SOX5: variants seen among roughly 807,000 people sequenced by gnomAD.
The protein encoded by SOX5 is transcription factor SOX-5.
A neutral mutation model predicts 92.0 loss-of-function variants in SOX5; 9 were observed. The ratio of observed to expected loss-of-function variants is 0.10; its 90% CI spans 0.06 to 0.17. The LOEUF (loss-of-function observed/expected upper bound fraction) is 0.17, where lower values mean the gene tolerates loss of function less well. Among genes scored for constraint, SOX5 ranks in the 10% least tolerant of loss-of-function variants. SOX5 has a pLI of 1.00. For missense variants in SOX5, 642 were observed against 944.5 expected, an observed-to-expected ratio of 0.68 and a Z score of 4.20; for synonymous variants, 344 against 336.3, an observed-to-expected ratio of 1.02 and a Z score of -0.25.
chr12:23,547,943 C>G (rs1264172351), intron 11 of SOX5, among the ~76,000 whole-genome samples: 1 of 152,014 alleles, frequency 6.6e-6, no homozygotes, highest in Non-Finnish European at 1.5e-5. Flanking sequence ...TCAGGAGCAT[C>G]AAGGACACCA....
rs142834425 is a variant in SOX5 at position 24,434,988 on chromosome 12, C to T, written c.-250-66349G>A. 1.4e-4 allele frequency among the ~76,000 whole-genome samples: 21 copies of T among 152,324 alleles called. 1 individual carries two copies. Among genetic ancestry groups the T allele is most frequent in the African/African-American group, 3.8e-4 (16 of 41,570 alleles). Reference sequence around the variant, plus strand: ...GCATCCTTTCTCTCCCACTGTCTCACGTAAAAGAATGCCCTTTCCTTTTGG... The same window carrying T: ...GCATCCTTTCTCTCCCACTGTCTCATGTAAAAGAATGCCCTTTCCTTTTGG... On this transcript the variant is annotated intron_variant, in intron 1 of 4. Transcript: ENST00000446891.
At chr12:24,377,386 A>G (rs534483423) in intron 1 of SOX5, among the ~76,000 whole-genome samples, 1 of 152,338 alleles carries the variant, frequency 6.6e-6, no homozygotes, top group African/African-American at 2.4e-5. Flanking sequence ...CATAATGAAA[A>G]GTGCATGACA....
chr12:24,267,564 G>A (rs527559771), intron 3 of SOX5, among the ~76,000 whole-genome samples: 6 of 152,208 alleles, frequency 3.9e-5, no homozygotes, highest in Admixed American at 6.5e-5. Flanking sequence ...CCACTGACAT[G>A]ATAAATAATC....
At chr12:24,014,122 C>T (rs1053189212) in intron 4 of SOX5, among the ~76,000 whole-genome samples, 5 of 152,106 alleles carry the variant, frequency 3.3e-5, no homozygotes, top group South Asian at 2.1e-4. Context: ...CAATGGATTT[C>T]GGAAACAGAA....
chr12:23,663,323 TG>T (rs2083322841), intron 7 of SOX5, among the ~76,000 whole-genome samples: 1 of 152,288 alleles, frequency 6.6e-6, no homozygotes, highest in East Asian at 1.9e-4. Context: ...GAATATTAAA[TG>T]GTTAATATAC....
At chr12:23,711,414 G>A (rs1009631304) in intron 6 of SOX5, among the ~76,000 whole-genome samples, 6 of 152,146 alleles carry the variant, frequency 3.9e-5, no homozygotes, top group Non-Finnish European at 8.8e-5. Context: ...CAGTGTATGT[G>A]TCTATATGCA....
chr12:24,060,552 T>G (rs1262951413), intron 4 of SOX5, among the ~76,000 whole-genome samples: 1 of 152,226 alleles, frequency 6.6e-6, no homozygotes, highest in Non-Finnish European at 1.5e-5. Flanking sequence ...TGTTTTGTCC[T>G]GACTGGCATG....
intron 4 of SOX5, among the ~76,000 whole-genome samples, chr12:24,075,001 C>T (rs1942356485): frequency 6.6e-6 from 1 of 151,638 alleles, no homozygotes; most frequent in African/African-American, 2.4e-5. Context: ...GTGGCTCACC[C>T]CTATAATCCC....
At chr12:24,418,976 G>T (rs1965473962) in intron 1 of SOX5, among the ~76,000 whole-genome samples, 2 of 152,136 alleles carry the variant, frequency 1.3e-5, no homozygotes, top group African/African-American at 2.4e-5. Flanking sequence ...GAGTTACCTA[G>T]ATTGGCCCAG....
chr12:23,943,859 A>C (rs961103134), intron 1 of SOX5, among the ~76,000 whole-genome samples: 1 of 152,064 alleles, frequency 6.6e-6, no homozygotes, highest in African/African-American at 2.4e-5. Flanking sequence ...ACCTTGTAAT[A>C]GATTAATTAC....
At chr12:23,890,000 A>G (rs1301493651) in intron 2 of SOX5, among the ~76,000 whole-genome samples, 1 of 152,198 alleles carries the variant, frequency 6.6e-6, no homozygotes, top group Non-Finnish European at 1.5e-5. Context: ...CTGTCTGTAG[A>G]ATGAAAAACC....
chr12:23,893,710 A>C (rs10842237), intron 2 of SOX5, among the ~76,000 whole-genome samples: 30,243 of 152,152 alleles, frequency 0.2, 4,218 homozygotes, highest in East Asian at 0.71. Flanking sequence ...CAGTGATGAA[A>C]GTATTAAAAG....
chr12:24,546,314 T>G (rs770547243), intron 1 of SOX5, among the ~76,000 whole-genome samples: 2 of 152,210 alleles, frequency 1.3e-5, no homozygotes, highest in African/African-American at 2.4e-5. Context: ...TTTCCATTTT[T>G]TGCTTACTCT....
At chr12:23,624,138 A>T (rs1037885366) in intron 8 of SOX5, among the ~76,000 whole-genome samples, 3 of 152,098 alleles carry the variant, frequency 2.0e-5, no homozygotes, top group Non-Finnish European at 4.4e-5. Flanking sequence ...AGAACAGTTA[A>T]ATTCATAGAG....
At chr12:23,602,456 G>A (rs1050816310) in intron 9 of SOX5, among the ~76,000 whole-genome samples, 4 of 152,100 alleles carry the variant, frequency 2.6e-5, no homozygotes, top group Non-Finnish European at 5.9e-5. Context: ...TGCATAAATG[G>A]ATGAGGCTGA....
At chr12:24,010,806 G>T (rs1952827373) in intron 4 of SOX5, among the ~76,000 whole-genome samples, 1 of 152,016 alleles carries the variant, frequency 6.6e-6, no homozygotes, top group African/African-American at 2.4e-5. Flanking sequence ...CGGTGTAGTG[G>T]CACATGCCTG....
At chr12:24,148,496 AAAAAAAAAG>A (rs1405843838) in intron 4 of SOX5, among the ~76,000 whole-genome samples, 23 of 142,746 alleles carry the variant, frequency 1.6e-4, no homozygotes, top group African/African-American at 4.4e-4. Context: ...AAAAAAAAAA[AAAAAAAAAG>A]AGAGAGAGAG....
intron 4 of SOX5, among the ~76,000 whole-genome samples, chr12:24,066,565 C>T (rs1264305191): frequency 6.6e-6 from 1 of 151,874 alleles, no homozygotes; most frequent in African/African-American, 2.4e-5. Context: ...ATAGGATAAA[C>T]AGCAAATTTC....
intron 1 of SOX5, among the ~76,000 whole-genome samples, chr12:24,540,037 T>C (rs535982598): frequency 6.6e-5 from 10 of 152,182 alleles, no homozygotes; most frequent in Admixed American, 1.3e-4. Context: ...TGCCTTCAAA[T>C]GACATAAAAA....
Sources: gnomAD v4.1 joint callset for allele counts (sites outside exome capture counted in the v4.1 genomes callset) on GRCh38, gnomAD v4.1.1 for gene constraint, MANE v1.5 for transcripts, NCBI Gene and HGNC (gene_info 2026-07-23, HGNC 2026-07-21) for gene names.